HDAC9: variants seen among roughly 807,000 people sequenced by gnomAD.
The protein encoded by HDAC9 is histone deacetylase 9.
In HDAC9, 41 loss-of-function variants were observed where a neutral mutation model predicts 139.4. The ratio of observed to expected loss-of-function variants is 0.29; its 90% CI spans 0.23 to 0.38. HDAC9 has a LOEUF of 0.38. Among genes scored for constraint, HDAC9 ranks in the 10% least tolerant of loss-of-function variants. The pLI is 1.00. For synonymous variants in HDAC9, 517 were observed against 476.2 expected (o/e 1.09, Z -1.12); for missense variants, 1,147 against 1,297.0 (o/e 0.88, Z 1.78).
intron 1 of HDAC9, among the ~76,000 whole-genome samples, chr7:18,416,336 A>G (rs1040827895): frequency 1.3e-5 from 2 of 152,070 alleles, no homozygotes; most frequent in South Asian, 2.1e-4. Context: ...AGAATTTTAC[A>G]TCTATGTTCA....
intron 1 of HDAC9, among the ~76,000 whole-genome samples, chr7:18,479,543 A>G (rs1046187058): frequency 1.3e-5 from 2 of 152,200 alleles, no homozygotes; most frequent in African/African-American, 4.8e-5. Context: ...TAGCTTAACA[A>G]ATAACTCCTG....
intron 2 of HDAC9, among the ~76,000 whole-genome samples, chr7:18,250,339 G>A (rs1794839967): frequency 6.6e-6 from 1 of 152,186 alleles, no homozygotes; most frequent in Admixed American, 6.5e-5. Flanking sequence ...TATGTTGCAT[G>A]TTCTTTCCAG....
At chr7:18,959,602 C>T (rs1469508103) in intron 24 of HDAC9, among the ~76,000 whole-genome samples, 1 of 152,158 alleles carries the variant, frequency 6.6e-6, no homozygotes, top group African/African-American at 2.4e-5. Context: ...ATCTTCTCCT[C>T]CACTCCACAA....
At chr7:18,201,371 C>A (rs1791103133) in intron 2 of HDAC9, among the ~76,000 whole-genome samples, 1 of 152,180 alleles carries the variant, frequency 6.6e-6, no homozygotes. Flanking sequence ...AGGAACAAGA[C>A]AGAGATCAAA....
At chr7:18,199,569 T>G (rs559265520) in intron 2 of HDAC9, among the ~76,000 whole-genome samples, 1 of 152,068 alleles carries the variant, frequency 6.6e-6, no homozygotes, top group South Asian at 2.1e-4. Context: ...AAGGATTGTT[T>G]GAGGCCAGGA....
chr7:18,210,916 A>AG (rs1473451671), intron 2 of HDAC9, among the ~76,000 whole-genome samples: 1 of 152,168 alleles, frequency 6.6e-6, no homozygotes, highest in Admixed American at 6.5e-5. Context: ...ATTTATTTGT[A>AG]GGGGGAGTGT....
chr7:18,584,274 A>G (rs994247907), intron 2 of HDAC9, among the ~76,000 whole-genome samples: 1 of 150,210 alleles, frequency 6.7e-6, no homozygotes, highest in African/African-American at 2.5e-5. Context: ...GACTACAGGC[A>G]CCCGCCACCA....
chr7:18,864,552 A>G (rs12699998), intron 21 of HDAC9, among the ~76,000 whole-genome samples: 70,856 of 151,548 alleles, frequency 0.47, 17,292 homozygotes, highest in African/African-American at 0.6. Flanking sequence ...GTAACATTGT[A>G]TTATACCCTT....
chr7:18,454,214 T>G (rs1022059783), intron 1 of HDAC9, among the ~76,000 whole-genome samples: 1 of 152,126 alleles, frequency 6.6e-6, no homozygotes, highest in Non-Finnish European at 1.5e-5. Flanking sequence ...CAGAGATTTT[T>G]TTACTTTTGG....
At chr7:18,526,459 T>G (rs761897761) in intron 2 of HDAC9, among the ~76,000 whole-genome samples, 9 of 152,212 alleles carry the variant, frequency 5.9e-5, no homozygotes, top group Non-Finnish European at 1.0e-4. Context: ...ATTACTACTT[T>G]ATACCTACAT....
intron 13 of HDAC9, among the ~76,000 whole-genome samples, chr7:18,744,552 A>G (rs145161111): frequency 1.3e-5 from 2 of 152,312 alleles, no homozygotes; most frequent in East Asian, 3.9e-4. Context: ...AGGAACTACA[A>G]ATCAGGATCA....
intron 1 of HDAC9, among the ~76,000 whole-genome samples, chr7:18,309,044 G>C (rs1416004873): frequency 6.7e-6 from 1 of 149,242 alleles, no homozygotes; most frequent in African/African-American, 2.5e-5. Context: ...TGTGTTTGTG[G>C]AGATCTCTAA....
At chr7:18,653,239 CA>C (rs397971219) in intron 11 of HDAC9, among the ~76,000 whole-genome samples, 830 of 82,268 alleles carry the variant, frequency 0.01, 4 homozygotes, top group Non-Finnish European at 0.014. Context: ...AACTCCATCT[CA>C]AAAAAAAAAA....
intron 24 of HDAC9, among the ~76,000 whole-genome samples, chr7:18,958,055 G>A (rs1783281467): frequency 1.3e-5 from 2 of 152,148 alleles, no homozygotes; most frequent in South Asian, 4.1e-4. Flanking sequence ...TGCTGGAGGT[G>A]CGTTGGCTCC....
chr7:18,992,488 T>A lies in HDAC9; in HGVS notation c.3171-3535T>A, dbSNP rs528350148. 2.6e-5 allele frequency among the ~76,000 whole-genome samples: 4 copies of A among 152,222 alleles called. No homozygotes were observed. The South Asian group carries it at 8.3e-4, about 32-fold the overall frequency. ...TAAAGAACACTTGCAAACAAAATAA[T>A]GTAACAGGCATTGTATTGCTTGCCT... On this transcript the variant is annotated intron_variant, in intron 25 of 25. Transcript: ENST00000686413.
intron 12 of HDAC9, chr7:18,667,218 A>G: frequency 1.0e-6 from 1 of 985,350 alleles, no homozygotes; most frequent in Non-Finnish European, 1.2e-6. Context: ...GTCTATCAAA[A>G]AAGAGCAAAT....
At chr7:18,831,189 T>C (rs1795832353) in intron 19 of HDAC9, among the ~76,000 whole-genome samples, 1 of 152,214 alleles carries the variant, frequency 6.6e-6, no homozygotes, top group Non-Finnish European at 1.5e-5. Flanking sequence ...ATTTTAAGGT[T>C]CTAGGAGGAT....
chr7:18,538,359 A>C (rs1293009281), intron 2 of HDAC9, among the ~76,000 whole-genome samples: 1 of 152,188 alleles, frequency 6.6e-6, no homozygotes, highest in Non-Finnish European at 1.5e-5. Flanking sequence ...TTAAGGAGTA[A>C]AAGTAAAGTC....
chr7:18,627,267 T>C lies in HDAC9; in HGVS notation c.665-2083T>C, dbSNP rs566317656. Among the ~76,000 whole-genome samples, 3 of 152,292 alleles carry C rather than the reference T, an allele frequency of 2.0e-5. No individual in the cohort carries two copies. The South Asian group carries it at 6.2e-4, about 32-fold the overall frequency. ...TGAAGTGATCAATTGATTTACTCCC[T>C]ATGGACTGCCAGTTTGCAGCATTTA... On this transcript the variant is annotated intron_variant, in intron 6 of 25. Coordinates refer to ENST00000686413, the MANE Select transcript of HDAC9 (RefSeq NM_178425.4).
Sources: gnomAD v4.1 joint callset for allele counts (sites outside exome capture counted in the v4.1 genomes callset) on GRCh38, gnomAD v4.1.1 for gene constraint, MANE v1.5 for transcripts, NCBI Gene and HGNC (gene_info 2026-07-23, HGNC 2026-07-21) for gene names.